The following SLC4A4 variants were observed in gnomAD, a reference collection of about 807,000 sequenced individuals.
SLC4A4 encodes the protein solute carrier family 4 member 4.
A neutral mutation model predicts 111.5 loss-of-function variants in SLC4A4; 27 were observed. The ratio of observed to expected loss-of-function variants is 0.24; its 90% CI spans 0.18 to 0.33. SLC4A4 has a LOEUF of 0.33. Ranked by LOEUF, SLC4A4 falls within the 10% of genes least tolerant of loss-of-function variation. SLC4A4 has a pLI of 1.00. For synonymous variants in SLC4A4, 443 were observed against 463.4 expected (o/e 0.96, Z 0.57); for missense variants, 909 against 1,315.5 (o/e 0.69, Z 4.78).
intron 16 of SLC4A4, among the ~76,000 whole-genome samples, chr4:71,503,970 T>C (rs1731168213): frequency 6.6e-6 from 1 of 152,216 alleles, no homozygotes; most frequent in African/African-American, 2.4e-5. Context: ...ACACTTTGAA[T>C]ATATTATCCC....
chr4:71,322,304 A>T (rs1727175131), intron 3 of SLC4A4, among the ~76,000 whole-genome samples: 1 of 151,994 alleles, frequency 6.6e-6, no homozygotes, highest in African/African-American at 2.4e-5. Flanking sequence ...GGATGAAGTC[A>T]GAAGTCCTAA....
At chr4:71,154,531 C>T (rs1744407728) in intron 2 of SLC4A4, among the ~76,000 whole-genome samples, 1 of 151,294 alleles carries the variant, frequency 6.6e-6, no homozygotes, top group Admixed American at 6.6e-5. Context: ...ACCTGCCCTT[C>T]CAGTGTACAA....
intron 2 of SLC4A4, among the ~76,000 whole-genome samples, chr4:71,134,032 G>A (rs1743780934): frequency 6.6e-6 from 1 of 152,142 alleles, no homozygotes; most frequent in Non-Finnish European, 1.5e-5. Flanking sequence ...ACGGGATGGT[G>A]TGCCAAGGAG....
intron 3 of SLC4A4, among the ~76,000 whole-genome samples, chr4:71,260,487 A>C (rs1721778330): frequency 6.6e-6 from 1 of 152,248 alleles, no homozygotes; most frequent in South Asian, 2.1e-4. Context: ...GACCTGTCCC[A>C]GTTTAAAAAA....
intron 7 of SLC4A4, among the ~76,000 whole-genome samples, chr4:71,433,825 G>T (rs183505398): frequency 4.6e-5 from 7 of 152,184 alleles, no homozygotes; most frequent in Admixed American, 1.3e-4. Flanking sequence ...TTCCAACACT[G>T]CAGAGATATT....
chr4:71,463,449 T>C lies in SLC4A4; in HGVS notation c.1498-2995T>C, dbSNP rs569223866. 2.0e-5 allele frequency among the ~76,000 whole-genome samples: 3 copies of C among 152,188 alleles called. No individual in the cohort carries two copies. In the South Asian group the frequency reaches 6.2e-4, roughly 32 times the overall value. ...GTATTGTGAAGAGGAAGATGTCAAA[T>C]AGTTCTTTTCTCAGAAATACTGGAA... On this transcript the variant is annotated intron_variant, in intron 12 of 25. Coordinates refer to ENST00000264485, the MANE Select transcript of SLC4A4 (RefSeq NM_001098484.3).
At chr4:71,090,510 T>TAAGAAATAA (rs2148940422) in intron 1 of SLC4A4, among the ~76,000 whole-genome samples, 1 of 152,290 alleles carries the variant, frequency 6.6e-6, no homozygotes, top group South Asian at 2.1e-4. Context: ...CAGTTTTTAT[T>TAAGAAATAA]AAGAAATAAA....
chr4:71,534,600 G>T (rs992278203), intron 18 of SLC4A4, among the ~76,000 whole-genome samples: 3 of 150,812 alleles, frequency 2.0e-5, no homozygotes, highest in South Asian at 2.1e-4. Context: ...AAAAAAAAAG[G>T]TTTCAAATCA....
intron 18 of SLC4A4, among the ~76,000 whole-genome samples, chr4:71,537,429 ATG>A (rs10562012): frequency 1 from 150,307 of 150,546 alleles, 75,034 homozygotes; most frequent in Middle Eastern, 1. Flanking sequence ...ATATACATAT[ATG>A]TGTGTGTGTG....
At chr4:71,528,664 T>G (rs1478616332) in intron 16 of SLC4A4, among the ~76,000 whole-genome samples, 1 of 152,080 alleles carries the variant, frequency 6.6e-6, no homozygotes, top group African/African-American at 2.4e-5. Context: ...TTTTTTATGA[T>G]ATTGTTCATT....
intron 1 of SLC4A4, among the ~76,000 whole-genome samples, chr4:71,082,858 T>G (rs1034775415): frequency 2.0e-5 from 3 of 151,704 alleles, no homozygotes; most frequent in Non-Finnish European, 4.4e-5. Context: ...ATTTTCTTTT[T>G]TTTTTTTTTG....
chr4:71,341,074 A>G (rs1422425032), intron 4 of SLC4A4, among the ~76,000 whole-genome samples: 1 of 152,136 alleles, frequency 6.6e-6, no homozygotes, highest in African/African-American at 2.4e-5. Flanking sequence ...ATTCCAATGT[A>G]TTTCACTTTC....
chr4:71,315,954 A>T (rs994889821), intron 3 of SLC4A4, among the ~76,000 whole-genome samples: 1 of 152,154 alleles, frequency 6.6e-6, no homozygotes, highest in African/African-American at 2.4e-5. Flanking sequence ...ACTTTGTTGC[A>T]TAAGAAACCA....
In SLC4A4 at chr4:71,560,109, C is replaced by T; in HGVS notation, c.2954C>T (p.Ala985Val). 6.2e-7 allele frequency: 1 copy of T among 1,610,406 alleles called. No homozygotes were observed. ...IFPVMILALV[A>V]VRKGMDYLFS... ...CTCTTTCAGATCTTGGCACTTGTAG[C>T]TGTCAGAAAAGGCATGGACTACCTC... Residue 985 changes from alanine to valine, a missense_variant, in exon 23 of 26, where the codon GCT becomes GTT. Coordinates refer to ENST00000264485, the MANE Select transcript of SLC4A4 (RefSeq NM_001098484.3).
chr4:71,514,674 A>G (rs1373037549), intron 16 of SLC4A4, among the ~76,000 whole-genome samples: 2 of 152,116 alleles, frequency 1.3e-5, no homozygotes, highest in African/African-American at 4.8e-5. Flanking sequence ...AATCACTACT[A>G]ATGATGGATC....
intron 16 of SLC4A4, among the ~76,000 whole-genome samples, chr4:71,526,787 G>A (rs1372925038): frequency 2.0e-5 from 3 of 151,908 alleles, no homozygotes; most frequent in African/African-American, 7.3e-5. Context: ...ATTCCTTCTC[G>A]AGGCTCTAGG....
intron 1 of SLC4A4, chr4:71,236,236 T>TG (rs1719797499): frequency 2.5e-6 from 2 of 802,574 alleles, no homozygotes; most frequent in Non-Finnish European, 3.1e-6. Flanking sequence ...CTCTTGGTAT[T>TG]TTTTTTTTTT....
chr4:71,347,373 C>G (rs1353653372), intron 4 of SLC4A4, among the ~76,000 whole-genome samples: 1 of 152,110 alleles, frequency 6.6e-6, no homozygotes, highest in Non-Finnish European at 1.5e-5. Context: ...AGCTTACAGA[C>G]AACAGAAATT....
At chr4:71,088,388 C>A (rs939199543) in intron 1 of SLC4A4, among the ~76,000 whole-genome samples, 5 of 152,082 alleles carry the variant, frequency 3.3e-5, no homozygotes, top group Admixed American at 2.6e-4. Context: ...TTAATTGGAG[C>A]ATTTAGCCCA....
Sources: allele counts gnomAD v4.1 joint callset (sites outside exome capture counted in the v4.1 genomes callset), GRCh38; gene constraint gnomAD v4.1.1; transcripts MANE v1.5; gene names NCBI Gene and HGNC (gene_info 2026-07-23, HGNC 2026-07-21).